HIVEP3: variants seen among roughly 807,000 people sequenced by gnomAD.
HIVEP3 encodes the protein HIVEP zinc finger 3.
HIVEP3 carries 49 observed loss-of-function variants against 152.8 expected under a neutral mutation model. That is an observed-to-expected ratio of 0.32 (90% confidence interval 0.26 to 0.41). The LOEUF (loss-of-function observed/expected upper bound fraction) is 0.41, where lower values mean the gene tolerates loss of function less well. Among genes scored for constraint, HIVEP3 ranks in the 10% least tolerant of loss-of-function variants. The pLI, the probability that HIVEP3 is intolerant of heterozygous loss-of-function variation, is 1.00. For missense variants in HIVEP3, 2,790 were observed against 3,103.3 expected (o/e 0.90, Z 2.40); for synonymous variants, 1,269 against 1,289.0 (o/e 0.98, Z 0.33).
intron 2 of HIVEP3, among the ~76,000 whole-genome samples, chr1:41,655,828 C>T (rs1419264503): frequency 6.6e-6 from 1 of 152,118 alleles, no homozygotes; most frequent in Non-Finnish European, 1.5e-5. Flanking sequence ...GTGCCTAGAG[C>T]AGCCCTGACA....
chr1:41,536,633 T>C (rs1267951743), intron 5 of HIVEP3, among the ~76,000 whole-genome samples: 1 of 152,166 alleles, frequency 6.6e-6, no homozygotes, highest in Non-Finnish European at 1.5e-5. Flanking sequence ...TGGCTATTCC[T>C]GTCCTGCCAA....
At chr1:41,960,464 G>A (rs894154889) in intron 1 of HIVEP3, among the ~76,000 whole-genome samples, 18 of 152,254 alleles carry the variant, frequency 1.2e-4, no homozygotes, top group Admixed American at 5.9e-4. Flanking sequence ...AGTGTCACTT[G>A]TGACAGACTG....
intron 1 of HIVEP3, among the ~76,000 whole-genome samples, chr1:41,909,433 C>T (rs2124463220): frequency 6.6e-6 from 1 of 152,172 alleles, no homozygotes; most frequent in Non-Finnish European, 1.5e-5. Context: ...AAAGATAAAA[C>T]AATTCAAACC....
Position 41,918,783 on chromosome 1 carries a change from A to G in HIVEP3, c.-1171T>C, listed in dbSNP as rs1048083947. Reference sequence around the variant, plus strand: ...ATAAATCACGATCAGAAACCCAAACAGAAGCATCCCTCTTGAATTCGTGCT... The same window carrying G: ...ATAAATCACGATCAGAAACCCAAACGGAAGCATCCCTCTTGAATTCGTGCT... On this transcript the variant is annotated 5_prime_UTR_variant, in exon 1 of 9. Transcript: ENST00000372583. The surrounding 1 kb of genome is among the most constrained non-coding windows in gnomAD (Gnocchi z 4.3). 1 of 152,244 alleles carries G rather than the reference A, an allele frequency of 6.6e-6. No homozygotes were observed. Among genetic ancestry groups the G allele is most frequent in the African/African-American group, 2.4e-5 (1 of 41,462 alleles). The allele number at this position is 152,244 out of a possible 1,614,324, so 9.4% of individuals were successfully genotyped here.
intron 1 of HIVEP3, among the ~76,000 whole-genome samples, chr1:41,865,936 C>A (rs1295553716): frequency 6.6e-6 from 1 of 152,140 alleles, no homozygotes; most frequent in Non-Finnish European, 1.5e-5. Flanking sequence ...AAAGACTTGA[C>A]AAATAAACTA....
intron 1 of HIVEP3, among the ~76,000 whole-genome samples, chr1:42,011,337 GAA>G (rs750685792): frequency 2.6e-5 from 4 of 152,150 alleles, no homozygotes; most frequent in Non-Finnish European, 5.9e-5. Context: ...TACACTGAGT[GAA>G]ATATTTTAAA....
intron 1 of HIVEP3, among the ~76,000 whole-genome samples, chr1:41,941,141 A>G (rs1278281401): frequency 6.6e-6 from 1 of 152,182 alleles, no homozygotes; most frequent in Non-Finnish European, 1.5e-5. Flanking sequence ...TGAAAAGTGG[A>G]TGGAAGGCAG....
At chr1:41,831,924 T>A (rs1450629821) in intron 1 of HIVEP3, among the ~76,000 whole-genome samples, 1 of 152,164 alleles carries the variant, frequency 6.6e-6, no homozygotes, top group East Asian at 1.9e-4. Context: ...ATTTACCTAA[T>A]CTACCCAAAG....
At chr1:41,570,693 T>C (rs949109814) in intron 5 of HIVEP3, among the ~76,000 whole-genome samples, 5 of 152,178 alleles carry the variant, frequency 3.3e-5, no homozygotes, top group Admixed American at 1.3e-4. Context: ...GAGCGAAGGA[T>C]TGACTGTGTC....
chr1:41,527,052 TCACA>T lies in HIVEP3; in HGVS notation c.5208-2146_5208-2143del, dbSNP rs760699038. On this transcript the variant is annotated intron_variant, in intron 5 of 8. Coordinates refer to ENST00000372583, the MANE Select transcript of HIVEP3 (RefSeq NM_024503.5). ...CCCCCACCCTCACACACCCTCTTCC[TCACA>T]CACACCCTCACATGCTCATCCTCAC... 3.5e-3 allele frequency among the ~76,000 whole-genome samples: 61 copies of T among 17,662 alleles called. 1 individual carries two copies. Among genetic ancestry groups the T allele is most frequent in the African/African-American group, 5.5e-3 (25 of 4,514 alleles). 11.6% of individuals were successfully genotyped at this position (17,662 alleles called of 152,430 possible).
At chr1:41,693,481 C>T (rs1319896390) in intron 2 of HIVEP3, among the ~76,000 whole-genome samples, 1 of 152,194 alleles carries the variant, frequency 6.6e-6, no homozygotes, top group Non-Finnish European at 1.5e-5. Flanking sequence ...TGTTCATAGC[C>T]TCTGCCCATT....
chr1:41,650,242 A>G (rs1645527067), intron 2 of HIVEP3, among the ~76,000 whole-genome samples: 1 of 152,144 alleles, frequency 6.6e-6, no homozygotes. Context: ...TGGGTCCTTT[A>G]GACTGGCGGC....
chr1:41,604,339 G>A (rs564011294), intron 3 of HIVEP3, among the ~76,000 whole-genome samples: 16 of 152,260 alleles, frequency 1.1e-4, no homozygotes, highest in Admixed American at 1.0e-3. Flanking sequence ...ATTATACATA[G>A]TAATAAAAAA....
At chr1:41,547,844 C>T (rs778425060) in intron 5 of HIVEP3, among the ~76,000 whole-genome samples, 1 of 150,986 alleles carries the variant, frequency 6.6e-6, no homozygotes, top group Non-Finnish European at 1.5e-5. Flanking sequence ...CCTCCACACT[C>T]CACGGACACC....
chr1:41,957,929 C>T (rs1473834095), intron 1 of HIVEP3, among the ~76,000 whole-genome samples: 1 of 152,194 alleles, frequency 6.6e-6, no homozygotes, highest in Non-Finnish European at 1.5e-5. Context: ...TGCAATCAAC[C>T]ACAGGTGAGT....
At chr1:42,004,978 C>A (rs900920943) in intron 1 of HIVEP3, among the ~76,000 whole-genome samples, 1 of 152,148 alleles carries the variant, frequency 6.6e-6, no homozygotes, top group African/African-American at 2.4e-5. Context: ...TTGCTTCGAA[C>A]GGTCAATATC....
chr1:41,644,444 A>T (rs1020197895), intron 2 of HIVEP3, among the ~76,000 whole-genome samples: 2 of 152,174 alleles, frequency 1.3e-5, no homozygotes, highest in Non-Finnish European at 2.9e-5. Context: ...TCTGTCTCTA[A>T]GGACCCCTTC....
chr1:41,935,815 T>C (rs1645017465), intron 1 of HIVEP3, among the ~76,000 whole-genome samples: 1 of 150,270 alleles, frequency 6.7e-6, no homozygotes, highest in African/African-American at 2.4e-5. Context: ...GAGCCCTCTA[T>C]AAGATTTCTA....
At chr1:41,607,632 A>G (rs1351694208) in intron 3 of HIVEP3, among the ~76,000 whole-genome samples, 1 of 149,404 alleles carries the variant, frequency 6.7e-6, no homozygotes, top group Admixed American at 6.7e-5. Flanking sequence ...CTTCTCTTTC[A>G]TTCTATTGGT....
Sources: gnomAD v4.1 joint callset for allele counts (sites outside exome capture counted in the v4.1 genomes callset) on GRCh38, gnomAD v4.1.1 for gene constraint, Gnocchi (gnomAD v3.1) non-coding constraint, MANE v1.5 for transcripts, NCBI Gene and HGNC (gene_info 2026-07-23, HGNC 2026-07-21) for gene names.